The following ANGPT2 variants were observed in gnomAD, a reference collection of about 807,000 sequenced individuals.
ANGPT2 encodes angiopoietin-2.
Under a neutral mutation model 62.9 loss-of-function variants are expected in ANGPT2, and 28 were observed. That is an observed-to-expected ratio of 0.44 (90% CI 0.33 to 0.61). ANGPT2 has a LOEUF of 0.61. Among genes scored for constraint, ANGPT2 ranks in the 20% least tolerant of loss-of-function variants. ANGPT2 has a pLI of 0.03. For synonymous variants in ANGPT2, 284 were observed against 207.8 expected (o/e 1.37, Z -3.15); for missense variants, 727 against 594.9 (o/e 1.22, Z -2.31).
chr8:6,554,066 T>C (rs968308545), intron 1 of ANGPT2, among the ~76,000 whole-genome samples: 2 of 150,746 alleles, frequency 1.3e-5, no homozygotes, highest in Admixed American at 6.7e-5. Flanking sequence ...AAGGTGCTAA[T>C]GTATTTCCTG....
At chr8:6,521,510 G>A (rs1586327091) in intron 3 of ANGPT2, 100 bp from the exon 4 acceptor site, 3 of 878,706 alleles carry the variant, frequency 3.4e-6, no homozygotes, top group Non-Finnish European at 5.1e-6. Flanking sequence ...TTAAGATATT[G>A]TAGTGGTTAT....
chr8:6,538,176 T>G lies in ANGPT2; in HGVS notation c.289-5689A>C, dbSNP rs554128710. ...TCCATTTTTCTAGTAAACCCTTGAA[T>G]TTTTCTAGTAAATTCACAAATAATT... On this transcript the variant is annotated intron_variant, in intron 1 of 8. Transcript: ENST00000629816. 3.3e-5 allele frequency among the ~76,000 whole-genome samples: 5 copies of G among 151,750 alleles called. No homozygotes were observed. In the South Asian group the frequency reaches 1.0e-3, roughly 32 times the overall value.
rs867339805 is a variant in ANGPT2 at position 6,505,268 on chromosome 8, A to G, written c.1328-2007T>C. Among the ~76,000 whole-genome samples, 12 of 111,986 alleles carry G rather than the reference A, an allele frequency of 1.1e-4. 1 individual carries two copies. The highest frequency in any genetic ancestry group is 2.5e-4 in the South Asian group (1 of 3,992). 73.5% of individuals were successfully genotyped at this position (111,986 alleles called of 152,430 possible). A position where few individuals can be genotyped will look rare whatever the true frequency, so the allele number is the denominator to read the frequency against. On this transcript the variant is annotated intron_variant, in intron 8 of 8. Coordinates refer to ENST00000629816, the MANE Select transcript of ANGPT2 (RefSeq NM_001118887.2). ...TATATTCTTTATATATGTTTTATAT[A>G]TATGTATACATATATATGTTATATA...
chr8:6,529,843 G>A (rs75313041), intron 2 of ANGPT2, among the ~76,000 whole-genome samples: 35,583 of 149,876 alleles, frequency 0.24, 5,180 homozygotes, highest in Middle Eastern at 0.39. Flanking sequence ...TTATTTTCCT[G>A]TTATCCTGGA....
At position 6,509,107 on chromosome 8, in the gene ANGPT2, A is replaced by T. The variant is rs368959500; in HGVS notation, c.1197-45T>A. ...AAAAACACATTGGCTAGGGTCATTG[A>T]TTTACCGTAGTGGCAAATTTTTTGT... On this transcript the variant is annotated intron_variant, in intron 7 of 8. Coordinates refer to ENST00000629816, the MANE Select transcript of ANGPT2 (RefSeq NM_001118887.2). 246 of 1,591,132 alleles carry T rather than the reference A, an allele frequency of 1.5e-4. 1 individual carries two copies. The highest frequency in any genetic ancestry group is 1.0e-3 in the Middle Eastern group (6 of 5,968).
intron 3 of ANGPT2, among the ~76,000 whole-genome samples, chr8:6,522,961 C>G (rs1400136563): frequency 6.6e-6 from 1 of 151,912 alleles, no homozygotes. Context: ...GTACTTAATA[C>G]ATAACAGTTA....
At chr8:6,528,589 C>G (rs74344164) in intron 2 of ANGPT2, among the ~76,000 whole-genome samples, 5 of 152,220 alleles carry the variant, frequency 3.3e-5, no homozygotes, top group Non-Finnish European at 2.9e-5. Context: ...TCAGCCTTGC[C>G]GTGCGGGCCT....
At chr8:6,547,902 T>A (rs76071682) in intron 1 of ANGPT2, among the ~76,000 whole-genome samples, 1 of 150,220 alleles carries the variant, frequency 6.7e-6, no homozygotes, top group African/African-American at 2.5e-5. Flanking sequence ...TTTTTTTTTT[T>A]AACCAAAACT....
At chr8:6,546,462 G>C (rs1215167995) in intron 1 of ANGPT2, among the ~76,000 whole-genome samples, 1 of 152,214 alleles carries the variant, frequency 6.6e-6, no homozygotes, top group Non-Finnish European at 1.5e-5. Context: ...CAAAGTTTGA[G>C]AAGCCAGGTG....
intron 7 of ANGPT2, among the ~76,000 whole-genome samples, chr8:6,509,695 C>T (rs1180899280): frequency 6.6e-6 from 1 of 152,182 alleles, no homozygotes; most frequent in Non-Finnish European, 1.5e-5. Flanking sequence ...GGGCTATGTT[C>T]TGATAAGCCC....
chr8:6,535,273 C>A (rs930035593), intron 1 of ANGPT2, among the ~76,000 whole-genome samples: 1 of 152,144 alleles, frequency 6.6e-6, no homozygotes, highest in Non-Finnish European at 1.5e-5. Context: ...GTTTGCAACT[C>A]TCCAGAGATA....
At chr8:6,527,873 CT>C in intron 2 of ANGPT2, among the ~76,000 whole-genome samples, 197 bp from the exon 3 acceptor site, 1 of 146,048 alleles carries the variant, frequency 6.8e-6, no homozygotes, top group East Asian at 2.0e-4. Flanking sequence ...TGTGTTAAAC[CT>C]TTTTACTCTT....
intron 8 of ANGPT2, chr8:6,508,683 T>G (rs1391164541): frequency 1.7e-6 from 1 of 601,440 alleles, no homozygotes. Flanking sequence ...ATATCCCCTC[T>G]CCTTGCCAGG....
At chr8:6,559,628 C>G (rs1375237822) in intron 1 of ANGPT2, among the ~76,000 whole-genome samples, 1 of 152,088 alleles carries the variant, frequency 6.6e-6, no homozygotes, top group Non-Finnish European at 1.5e-5. Context: ...GTATGAGGCA[C>G]TCATCAGTGT....
Position 6,501,496 on chromosome 8 carries a change from A to C in ANGPT2, c.*1605T>G, listed in dbSNP as rs1812169326. On this transcript the variant is annotated 3_prime_UTR_variant, in exon 9 of 9. Transcript: ENST00000629816. ...TTTCAAAAGGAGTTAAAACTCCAGGAGTTTATGGTTTTGTAGTCCCGAGTA... is the reference window on the plus strand; with the variant it reads ...TTTCAAAAGGAGTTAAAACTCCAGGCGTTTATGGTTTTGTAGTCCCGAGTA... 6.6e-6 allele frequency: 1 copy of C among 151,576 alleles called. No homozygotes were observed. The highest frequency in any genetic ancestry group is 1.5e-5 in the Non-Finnish European group (1 of 67,860). The allele number at this position is 151,576 out of a possible 1,614,324, so 9.4% of individuals were successfully genotyped here. A position where few individuals can be genotyped will look rare whatever the true frequency, so the allele number is the denominator to read the frequency against.
intron 2 of ANGPT2, among the ~76,000 whole-genome samples, chr8:6,529,454 T>C (rs1179841273): frequency 1.3e-4 from 13 of 102,902 alleles, no homozygotes; most frequent in South Asian, 2.9e-4. Flanking sequence ...GCCATTTTTC[T>C]TTTTTTTTTT....
rs935996442 is a variant in ANGPT2 at position 6,520,059 on chromosome 8, A to G, written c.800-68T>C. Reference sequence around the variant, plus strand: ...AAAGACAAAGACTTGTTATTTCAAGAGCCAATCATTTGGTGAGTTTTATTA... The same window carrying G: ...AAAGACAAAGACTTGTTATTTCAAGGGCCAATCATTTGGTGAGTTTTATTA... On this transcript the variant is annotated intron_variant, in intron 4 of 8. Coordinates refer to ENST00000629816, the MANE Select transcript of ANGPT2 (RefSeq NM_001118887.2). The G allele has an allele frequency of 3.2e-6, 5 of 1,566,110 alleles. No individual in the cohort carries two copies. The African/African-American group carries it at 6.8e-5, about 21-fold the overall frequency.
intron 1 of ANGPT2, among the ~76,000 whole-genome samples, chr8:6,545,680 C>T (rs758279180): frequency 2.6e-5 from 4 of 152,110 alleles, no homozygotes; most frequent in African/African-American, 9.7e-5. Flanking sequence ...CATGTGGTTC[C>T]CATTAGTCTA....
At chr8:6,558,398 A>G (rs565578612) in intron 1 of ANGPT2, among the ~76,000 whole-genome samples, 2 of 152,278 alleles carry the variant, frequency 1.3e-5, no homozygotes, top group African/African-American at 2.4e-5. Flanking sequence ...ATGGCGGTAG[A>G]GTTGATTTGA....
Sources: gnomAD v4.1 joint callset for allele counts (sites outside exome capture counted in the v4.1 genomes callset) on GRCh38, gnomAD v4.1.1 for gene constraint, MANE v1.5 for transcripts, NCBI Gene and HGNC (gene_info 2026-07-23, HGNC 2026-07-21) for gene names.